CSMD1: variants seen among roughly 807,000 people sequenced by gnomAD.
The protein encoded by CSMD1 is CUB and Sushi multiple domains 1.
In CSMD1, 213 loss-of-function variants were observed where a neutral mutation model predicts 417.5. The observed-to-expected ratio is 0.51, with a 90% CI of 0.46 to 0.57. The LOEUF (loss-of-function observed/expected upper bound fraction) is 0.57, where lower values mean the gene tolerates loss of function less well. Ranked by LOEUF, CSMD1 falls within the 20% of genes least tolerant of loss-of-function variation. The pLI is 0.00. For missense variants in CSMD1, 6,923 were observed against 4,529.7 expected (o/e 1.53, Z -15.17); for synonymous variants, 2,862 against 1,736.8 (o/e 1.65, Z -16.11).
At chr8:4,307,290 A>C (rs62478631) in intron 3 of CSMD1, among the ~76,000 whole-genome samples, 2 of 152,054 alleles carry the variant, frequency 1.3e-5, no homozygotes, top group South Asian at 2.1e-4. Context: ...TCACATATAT[A>C]TATTAATCCC....
rs190508521 is a variant in CSMD1, at chr8:4,454,305, C to G, written c.303-34240G>C. Among the ~76,000 whole-genome samples, 211 of 152,272 alleles carry G rather than the reference C, an allele frequency of 1.4e-3. 3 individuals carry two copies. The highest frequency in any genetic ancestry group is 4.9e-3 in the African/African-American group (204 of 41,554). The stretch of plus-strand genomic sequence containing the variant: ...GACTTCGGTGGACACCAGACGCAGC[C>G]TCTTCTTCCGCATCCTTGTCAGTAG... On this transcript the variant is annotated intron_variant, in intron 2 of 69. Transcript: ENST00000635120.
chr8:4,252,306 T>A (rs1279880125), intron 3 of CSMD1, among the ~76,000 whole-genome samples: 2 of 152,208 alleles, frequency 1.3e-5, no homozygotes, highest in African/African-American at 4.8e-5. Context: ...CACTCCAACA[T>A]TTGTGCAACA....
intron 4 of CSMD1, among the ~76,000 whole-genome samples, chr8:4,012,191 C>CTGTA (rs1158460825): frequency 6.6e-6 from 1 of 152,052 alleles, no homozygotes; most frequent in Non-Finnish European, 1.5e-5. Flanking sequence ...ACAGGGCTGA[C>CTGTA]TGTATATGAT....
intron 2 of CSMD1, among the ~76,000 whole-genome samples, chr8:4,434,667 A>C (rs766751576): frequency 6.6e-6 from 1 of 152,162 alleles, no homozygotes; most frequent in Non-Finnish European, 1.5e-5. Context: ...AACCCGATTT[A>C]CTTTTTGACT....
intron 12 of CSMD1, among the ~76,000 whole-genome samples, chr8:3,459,766 T>A (rs968700333): frequency 6.6e-6 from 1 of 151,948 alleles, no homozygotes; most frequent in Non-Finnish European, 1.5e-5. Context: ...CATGAACAGA[T>A]TTGGGTCCAG....
In CSMD1 at chr8:4,407,069, C is replaced by T. The variant is rs553560780; in HGVS notation, c.415+12884G>A. Among the ~76,000 whole-genome samples the T allele has an allele frequency of 2.6e-5, 4 of 152,284 alleles. 1 individual carries two copies. The South Asian group carries it at 8.3e-4, about 32-fold the overall frequency. Reference sequence around the variant, plus strand: ...TTATTGAAACACGGCCAAGGTCACTCAAGTATTGTCTATGGCGCTTTCATA... The same window carrying T: ...TTATTGAAACACGGCCAAGGTCACTTAAGTATTGTCTATGGCGCTTTCATA... On this transcript the variant is annotated intron_variant, in intron 3 of 69. Transcript: ENST00000635120.
At chr8:3,909,351 A>C (rs1808305974) in intron 5 of CSMD1, among the ~76,000 whole-genome samples, 1 of 152,138 alleles carries the variant, frequency 6.6e-6, no homozygotes, top group South Asian at 2.1e-4. Flanking sequence ...GGGAAATGCC[A>C]GTCTGACTCA....
chr8:3,300,915 C>A lies in CSMD1; in HGVS notation c.3950+6780G>T, dbSNP rs999377983. 4.2e-5 allele frequency among the ~76,000 whole-genome samples: 6 copies of A among 141,630 alleles called. No homozygotes were observed. The East Asian group carries it at 1.1e-3, about 25-fold the overall frequency. The allele number at this position is 141,630 out of a possible 152,430, so 92.9% of individuals were successfully genotyped here. On this transcript the variant is annotated intron_variant, in intron 25 of 69. Transcript: ENST00000635120. ...CTGAGGTTGCAGTGAGCCAGGATTG[C>A]GCCACCGCACTCCAGCCTGGACAAC...
intron 3 of CSMD1, among the ~76,000 whole-genome samples, chr8:4,109,300 G>A (rs1305016981): frequency 6.6e-6 from 1 of 152,038 alleles, no homozygotes; most frequent in Non-Finnish European, 1.5e-5. Context: ...AGGAGCAGCT[G>A]TATTTTTTTT....
At chr8:4,080,993 A>G (rs1800099735) in intron 3 of CSMD1, among the ~76,000 whole-genome samples, 1 of 152,158 alleles carries the variant, frequency 6.6e-6, no homozygotes, top group African/African-American at 2.4e-5. Context: ...GGCTTCACAC[A>G]GTATTCATCC....
chr8:4,516,544 G>C (rs1291041281), intron 2 of CSMD1, among the ~76,000 whole-genome samples: 2 of 152,056 alleles, frequency 1.3e-5, no homozygotes. Flanking sequence ...CCCCTGCTTG[G>C]TGTGGCCCCC....
chr8:3,771,798 A>G (rs548879798), intron 5 of CSMD1, among the ~76,000 whole-genome samples: 55 of 152,206 alleles, frequency 3.6e-4, no homozygotes, highest in African/African-American at 1.3e-3. Context: ...GAACTCTGGG[A>G]ACCCTTTACT....
At chr8:3,823,277 T>A (rs531339170) in intron 5 of CSMD1, among the ~76,000 whole-genome samples, 3 of 152,172 alleles carry the variant, frequency 2.0e-5, no homozygotes, top group Admixed American at 2.0e-4. Context: ...TTTTGCCAGA[T>A]AATGTCTGGA....
chr8:3,259,231 T>G (rs1326557362), intron 26 of CSMD1, among the ~76,000 whole-genome samples: 1 of 152,230 alleles, frequency 6.6e-6, no homozygotes, highest in Admixed American at 6.5e-5. Context: ...AGGCGTTTTC[T>G]AAAATTAATA....
intron 36 of CSMD1, 83 bp downstream of exon 36, chr8:3,187,786 G>A: frequency 1.0e-6 from 1 of 969,688 alleles, no homozygotes; most frequent in East Asian, 2.6e-5. Flanking sequence ...ATTTCTATGT[G>A]GAGTGTTTGC....
chr8:4,335,495 G>C (rs911264871), intron 3 of CSMD1, among the ~76,000 whole-genome samples: 1 of 152,026 alleles, frequency 6.6e-6, no homozygotes, highest in Non-Finnish European at 1.5e-5. Flanking sequence ...CAAATGTCCT[G>C]AACAAACGAA....
At chr8:4,885,603 T>C (rs1451777989) in intron 1 of CSMD1, among the ~76,000 whole-genome samples, 1 of 152,058 alleles carries the variant, frequency 6.6e-6, no homozygotes, top group East Asian at 1.9e-4. Flanking sequence ...TTTTGTCCTT[T>C]ATCCTGTTGA....
At chr8:4,045,524 G>T (rs918880310) in intron 3 of CSMD1, among the ~76,000 whole-genome samples, 4 of 152,198 alleles carry the variant, frequency 2.6e-5, no homozygotes, top group Non-Finnish European at 5.9e-5. Flanking sequence ...ACATCATGGG[G>T]CCCTGTGGGC....
At chr8:3,039,034 T>G (rs1810890670) in intron 50 of CSMD1, among the ~76,000 whole-genome samples, 1 of 152,154 alleles carries the variant, frequency 6.6e-6, no homozygotes, top group African/African-American at 2.4e-5. Flanking sequence ...CTTTGGATCT[T>G]CGCAGAAGAG....
Sources: gnomAD v4.1 joint callset for allele counts (sites outside exome capture counted in the v4.1 genomes callset) on GRCh38, gnomAD v4.1.1 for gene constraint, MANE v1.5 for transcripts, NCBI Gene and HGNC (gene_info 2026-07-23, HGNC 2026-07-21) for gene names.